The following ART3 variants were observed in gnomAD, a reference collection of about 807,000 sequenced individuals.
ART3 encodes ecto-ADP-ribosyltransferase 3.
In ART3, 49 loss-of-function variants were observed where a neutral mutation model predicts 48.5. The observed-to-expected ratio is 1.01, with a 90% CI of 0.80 to 1.28. The LOEUF is 1.28. ART3 is among the 50% of genes most tolerant of loss of function. The probability of loss-of-function intolerance (pLI) is 0.00; values close to 1 mark genes in which losing one functional copy is unlikely to be tolerated. For missense variants in ART3, 438 were observed against 454.3 expected (o/e 0.96, Z 0.33); for synonymous variants, 145 against 157.2 (o/e 0.92, Z 0.58).
intron 1 of ART3, among the ~76,000 whole-genome samples, chr4:76,040,185 T>G (rs912308049): frequency 2.0e-5 from 3 of 151,838 alleles, no homozygotes; most frequent in African/African-American, 7.3e-5. Flanking sequence ...ATCAGCTGGG[T>G]ATGGTGGCGC....
intron 3 of ART3, among the ~76,000 whole-genome samples, chr4:76,086,850 T>C (rs1020402386): frequency 6.6e-6 from 1 of 152,216 alleles, no homozygotes. Context: ...GCATGTCTTC[T>C]TTCCTGCTCC....
chr4:76,083,538 A>G lies in ART3; in HGVS notation c.781+1003A>G, dbSNP rs149764255. 3.4e-3 allele frequency among the ~76,000 whole-genome samples: 523 copies of G among 152,254 alleles called. 1 individual carries two copies. Among genetic ancestry groups the G allele is most frequent in the Non-Finnish European group, 5.8e-3 (396 of 68,012 alleles). The stretch of plus-strand genomic sequence containing the variant: ...TCAGAGTCAGCGCAGTGGCTCATCC[A>G]TGTCATGTCACTCATGCTCTTTCTT... On this transcript the variant is annotated intron_variant, in intron 3 of 11. Coordinates refer to ENST00000355810, the MANE Select transcript of ART3 (RefSeq NM_001130016.3).
chr4:76,098,627 C>T (rs1389711283), intron 4 of ART3, among the ~76,000 whole-genome samples: 78 of 152,040 alleles, frequency 5.1e-4, no homozygotes, highest in African/African-American at 1.9e-3. Context: ...GGTGTGGTGG[C>T]AGGCGCCTGT....
chr4:76,033,375 A>G (rs1434645960), intron 1 of ART3, among the ~76,000 whole-genome samples: 1 of 152,150 alleles, frequency 6.6e-6, no homozygotes, highest in Non-Finnish European at 1.5e-5. Context: ...TGCCAGCTGG[A>G]GTTCAAAGTC....
intron 1 of ART3, among the ~76,000 whole-genome samples, chr4:76,020,629 A>G (rs1413569779): frequency 6.6e-6 from 1 of 152,188 alleles, no homozygotes; most frequent in Non-Finnish European, 1.5e-5. Context: ...GGAGAGGAGA[A>G]TTAGTTTATT....
chr4:76,109,416 A>T (rs997491882), intron 11 of ART3, among the ~76,000 whole-genome samples: 4 of 152,142 alleles, frequency 2.6e-5, no homozygotes, highest in Non-Finnish European at 5.9e-5. Context: ...ACCTCCTATG[A>T]TAATGCCTTC....
chr4:76,051,762 G>A (rs895012673), intron 1 of ART3, among the ~76,000 whole-genome samples: 5 of 151,898 alleles, frequency 3.3e-5, no homozygotes, highest in Admixed American at 6.6e-5. Context: ...GGCTGGTCTC[G>A]AATTCCTGTG....
rs549344650 is a variant in ART3 at position 76,106,124 on chromosome 4, A to G, written c.1003+1495A>G. 3.0e-6 allele frequency: 3 copies of G among 985,384 alleles called. No homozygotes were observed. In the East Asian group the frequency reaches 3.4e-4, roughly 112 times the overall value. 61.0% of individuals were successfully genotyped at this position (985,384 alleles called of 1,614,324 possible). A position where few individuals can be genotyped will look rare whatever the true frequency, so the allele number is the denominator to read the frequency against. Reference sequence around the variant, plus strand: ...CACTTCAGAGATGAGAACATGGAACATAAGAAGGCTAACAAATTTATAATA... The same window carrying G: ...CACTTCAGAGATGAGAACATGGAACGTAAGAAGGCTAACAAATTTATAATA... On this transcript the variant is annotated intron_variant, in intron 10 of 11. Coordinates refer to ENST00000355810, the MANE Select transcript of ART3 (RefSeq NM_001130016.3).
At chr4:76,047,567 A>G (rs1162181593) in intron 1 of ART3, among the ~76,000 whole-genome samples, 2 of 151,894 alleles carry the variant, frequency 1.3e-5, no homozygotes, top group Non-Finnish European at 2.9e-5. Context: ...TGAATAATTC[A>G]TGGGCTTTTT....
In ART3 at chr4:76,047,055, C is replaced by A. The variant is rs1232081452; in HGVS notation, c.-9-28826C>A. Among the ~76,000 whole-genome samples, 5 of 152,122 alleles carry A rather than the reference C, an allele frequency of 3.3e-5. No homozygotes were observed. In the East Asian group the frequency reaches 9.7e-4, roughly 29 times the overall value. On this transcript the variant is annotated intron_variant, in intron 1 of 9. Coordinates refer to the ART3 transcript ENST00000341029. ...TGTCGCATCATCTGGTTGGGGGCTT[C>A]TGACCCAGGGAACCTTCATCCTCTG... is the stretch of plus-strand genomic sequence containing the variant.
chr4:76,034,237 A>C (rs1734132817), intron 1 of ART3: 2 of 391,574 alleles, frequency 5.1e-6, no homozygotes, highest in Non-Finnish European at 9.0e-6. Flanking sequence ...TTGCATGAAA[A>C]AATGTTTGAG....
In ART3 at chr4:76,112,270, G is replaced by C. The variant is rs1344654842; in HGVS notation, c.1037-116G>C. On this transcript the variant is annotated intron_variant, in intron 11 of 11. Coordinates refer to ENST00000355810, the MANE Select transcript of ART3 (RefSeq NM_001130016.3). ...TTGCTTTTGGCTGGAAGTATTTCAG[G>C]TAAGTTTCTACTTCAACTTTAGTGT... 3.1e-6 allele frequency: 4 copies of C among 1,280,648 alleles called. No homozygotes were observed. In the East Asian group the frequency reaches 1.0e-4, roughly 32 times the overall value. The allele number at this position is 1,280,648 out of a possible 1,614,324, so 79.3% of individuals were successfully genotyped here.
intron 1 of ART3, among the ~76,000 whole-genome samples, chr4:76,055,958 C>T (rs1336023613): frequency 6.6e-6 from 1 of 152,184 alleles, no homozygotes; most frequent in Non-Finnish European, 1.5e-5. Flanking sequence ...AATCTCTGAT[C>T]TGAGGCAGTA....
intron 1 of ART3, chr4:76,035,443 A>C (rs1315962397): frequency 3.3e-6 from 4 of 1,207,974 alleles, no homozygotes; most frequent in Middle Eastern, 3.9e-4. Context: ...CATTAAGGGT[A>C]AAGATAGTAA....
At position 76,103,806 on chromosome 4, in the gene ART3, G is replaced by T. The variant is rs1334068123; in HGVS notation, c.938-131G>T. On this transcript the variant is annotated intron_variant, in intron 8 of 11. Transcript: ENST00000355810. The stretch of plus-strand genomic sequence containing the variant: ...ATTGAAAGGTGTTTTTGTTGTTGCT[G>T]TTTCTTTTTTCTTTCCCCCTGCCTT... The T allele has an allele frequency of 3.8e-6, 3 of 784,910 alleles. No homozygotes were observed. In the African/African-American group the frequency reaches 5.4e-5, roughly 14 times the overall value. The allele number at this position is 784,910 out of a possible 1,614,324, so 48.6% of individuals were successfully genotyped here.
At chr4:76,099,122 C>T (rs776480807) in intron 5 of ART3, 135 bp downstream of exon 5, 9 of 756,328 alleles carry the variant, frequency 1.2e-5, no homozygotes, top group South Asian at 8.9e-5. Flanking sequence ...GGCAACATGG[C>T]GGAACCCCAT....
intron 1 of ART3, among the ~76,000 whole-genome samples, chr4:76,018,152 T>C (rs1732431308): frequency 6.6e-6 from 1 of 152,190 alleles, no homozygotes; most frequent in African/African-American, 2.4e-5. Context: ...CACATGTATG[T>C]CATCACAGCC....
chr4:76,077,538 A>G (rs1388276680), intron 2 of ART3, among the ~76,000 whole-genome samples: 1 of 152,232 alleles, frequency 6.6e-6, no homozygotes, highest in Non-Finnish European at 1.5e-5. Context: ...TTCTAATCAT[A>G]TAGTCTTGAC....
chr4:76,086,842 A>T (rs990637947), intron 3 of ART3, among the ~76,000 whole-genome samples: 1 of 152,182 alleles, frequency 6.6e-6, no homozygotes, highest in Non-Finnish European at 1.5e-5. Context: ...GTGGGTATGC[A>T]TGTCTTCTTT....
Sources: allele counts gnomAD v4.1 joint callset (sites outside exome capture counted in the v4.1 genomes callset), GRCh38; gene constraint gnomAD v4.1.1; transcripts MANE v1.5; gene names NCBI Gene and HGNC (gene_info 2026-07-23, HGNC 2026-07-21).